The following ATG2B variants were observed in gnomAD, a reference collection of about 807,000 sequenced individuals.
ATG2B encodes autophagy related 2B.
A neutral mutation model predicts 241.3 loss-of-function variants in ATG2B; 121 were observed. That is an observed-to-expected ratio of 0.50 (90% CI 0.43 to 0.58). The LOEUF is 0.58. Ranked by LOEUF, ATG2B falls within the 20% of genes least tolerant of loss-of-function variation. The probability of loss-of-function intolerance (pLI) is 0.00; values close to 1 mark genes in which losing one functional copy is unlikely to be tolerated. For synonymous variants in ATG2B, 858 were observed against 876.6 expected, an observed-to-expected ratio of 0.98 and a Z score of 0.37; for missense variants, 2,306 against 2,491.6, an observed-to-expected ratio of 0.93 and a Z score of 1.59.
intron 36 of ATG2B, among the ~76,000 whole-genome samples, chr14:96,294,569 T>A (rs1378962275): frequency 6.7e-6 from 1 of 150,372 alleles, no homozygotes; most frequent in East Asian, 2.0e-4. Context: ...AGGTAGAAAA[T>A]CCCCACAAGG....
At chr14:96,294,915 A>G (rs765244099) in intron 36 of ATG2B, 45 bp downstream of exon 36, 2 of 1,574,204 alleles carry the variant, frequency 1.3e-6, no homozygotes, top group South Asian at 1.1e-5. Context: ...ACAATCTTCA[A>G]AAGTCTAAAA....
chr14:96,347,142 T>C (rs1888189704), intron 2 of ATG2B, 37 bp downstream of exon 2: 1 of 1,478,436 alleles, frequency 6.8e-7, no homozygotes, highest in Non-Finnish European at 9.1e-7. Flanking sequence ...CTCTGAAGAA[T>C]AAAAACACAT....
At chr14:96,346,761 C>T (rs564114144) in intron 2 of ATG2B, among the ~76,000 whole-genome samples, 10 of 152,122 alleles carry the variant, frequency 6.6e-5, no homozygotes, top group Non-Finnish European at 1.2e-4. Context: ...TGTTATAAAC[C>T]ATTATTGTCA....
chr14:96,334,633 TCTA>T, intron 6 of ATG2B, 132 bp from the exon 7 acceptor site: 1 of 514,924 alleles, frequency 1.9e-6, no homozygotes, highest in South Asian at 4.0e-5. Flanking sequence ...TGAGACTCTC[TCTA>T]CTAATTCACA....
In ATG2B at chr14:96,322,031, A is replaced by G. The variant is rs187849865; in HGVS notation, c.2879+81T>C. ...ATGGCATATAATATTCAGGCAAGGA[A>G]AGGAAAGGGGGAAGAGGAAAATCAG... On this transcript the variant is annotated intron_variant, in intron 18 of 41. Transcript: ENST00000359933. 2.6e-5 allele frequency: 28 copies of G among 1,058,842 alleles called. 1 individual carries two copies. The highest frequency in any genetic ancestry group is 6.5e-4 in the Middle Eastern group (2 of 3,082). The allele number at this position is 1,058,842 out of a possible 1,614,324, so 65.6% of individuals were successfully genotyped here. A position where few individuals can be genotyped will look rare whatever the true frequency, so the allele number is the denominator to read the frequency against.
chr14:96,358,267 C>A (rs1242342375), intron 1 of ATG2B, among the ~76,000 whole-genome samples: 1 of 151,970 alleles, frequency 6.6e-6, no homozygotes, highest in African/African-American at 2.4e-5. Flanking sequence ...GAAATCCGGT[C>A]TCTACAAAAA....
intron 28 of ATG2B, among the ~76,000 whole-genome samples, chr14:96,309,862 G>A (rs1233910450): frequency 6.6e-6 from 1 of 152,130 alleles, no homozygotes; most frequent in Non-Finnish European, 1.5e-5. Flanking sequence ...TTGAAAACAG[G>A]GAAGTTGAAC....
chr14:96,311,720 G>A (rs1014721978), intron 26 of ATG2B, 102 bp from the exon 27 acceptor site: 107 of 713,950 alleles, frequency 1.5e-4, no homozygotes, highest in South Asian at 3.7e-4. Context: ...ATTCATTGCA[G>A]AGAGCACTAC....
intron 1 of ATG2B, among the ~76,000 whole-genome samples, chr14:96,353,934 T>C (rs1359132387): frequency 6.6e-6 from 1 of 152,106 alleles, no homozygotes; most frequent in Non-Finnish European, 1.5e-5. Context: ...TTTTAACGGA[T>C]AATGTGTACG....
chr14:96,289,915 C>T lies in ATG2B; in HGVS notation c.5857-110G>A. On this transcript the variant is annotated intron_variant, in intron 40 of 41. Transcript: ENST00000359933. This position sits in a 1 kb window ranked among gnomAD's most constrained non-coding sequence, Gnocchi z 4.3. ...GAGGAAGAGCAGAGGAACTCACAAACCCTAATGAAGACACTTCTGCGTATC... is the reference window on the plus strand; with the variant it reads ...GAGGAAGAGCAGAGGAACTCACAAATCCTAATGAAGACACTTCTGCGTATC... 1 of 1,137,254 alleles carries T rather than the reference C, an allele frequency of 8.8e-7. No homozygotes were observed. Among genetic ancestry groups the T allele is most frequent in the South Asian group, 1.5e-5 (1 of 64,648 alleles). The allele number at this position is 1,137,254 out of a possible 1,614,324, so 70.4% of individuals were successfully genotyped here. A position where few individuals can be genotyped will look rare whatever the true frequency, so the allele number is the denominator to read the frequency against.
Position 96,289,518 on chromosome 14 carries a change from C to CA in ATG2B, c.6006+137dup, listed in dbSNP as rs2139835132. The CA allele has an allele frequency of 9.9e-7, 1 of 1,012,602 alleles. No homozygotes were observed. The highest frequency in any genetic ancestry group is 1.5e-6 in the Non-Finnish European group (1 of 681,996). The allele number at this position is 1,012,602 out of a possible 1,614,324, so 62.7% of individuals were successfully genotyped here. On this transcript the variant is annotated intron_variant, in intron 41 of 41. Coordinates refer to ENST00000359933, the MANE Select transcript of ATG2B (RefSeq NM_018036.7). The surrounding 1 kb of genome is among the most constrained non-coding windows in gnomAD (Gnocchi z 4.3). Reference sequence around the variant, plus strand: ...TTCCATCACCTCACACAGATATGGGCACATGTTATTAGTGGCAGTTGCCAT... The same window carrying CA: ...TTCCATCACCTCACACAGATATGGGCAACATGTTATTAGTGGCAGTTGCCAT...
chr14:96,347,239 C>G lies in ATG2B; in HGVS notation c.265G>C (p.Asp89His). 6.2e-7 allele frequency: 1 copy of G among 1,611,118 alleles called. No individual in the cohort carries two copies. Among genetic ancestry groups the G allele is most frequent in the Non-Finnish European group, 8.5e-7 (1 of 1,177,654 alleles). Reference sequence around the variant, plus strand: ...CCTCTCACTTCCAGTGCACAATTATCCTGCAGTAAAGAGCCCCATGGAACT... The same window carrying G: ...CCTCTCACTTCCAGTGCACAATTATGCTGCAGTAAAGAGCCCCATGGAACT... ...LSVPWGSLLQ[D>H]NCALEVRGLE... is the part of the protein sequence containing the mutation. The change falls in exon 2 of 42, where the codon GAT becomes CAT. Residue 89 changes from aspartate (D) to histidine (H), a missense_variant. Coordinates refer to ENST00000359933, the MANE Select transcript of ATG2B (RefSeq NM_018036.7).
rs139564015 is a variant in ATG2B at position 96,318,927 on chromosome 14, G to A, written c.2880-1072C>T. On this transcript the variant is annotated intron_variant, in intron 18 of 41. Transcript: ENST00000359933. Reference sequence around the variant, plus strand: ...CCTTTTTAGACTGCAAGCCGCCCAAGAGAGGGACTTGTGTCGATCATCTCT... The same window carrying A: ...CCTTTTTAGACTGCAAGCCGCCCAAAAGAGGGACTTGTGTCGATCATCTCT... Among the ~76,000 whole-genome samples, 6 of 152,352 alleles carry A rather than the reference G, an allele frequency of 3.9e-5. No individual in the cohort carries two copies. The East Asian group carries it at 1.2e-3, about 29-fold the overall frequency.
At chr14:96,345,985 C>T (rs1209606319) in intron 2 of ATG2B, among the ~76,000 whole-genome samples, 1 of 152,072 alleles carries the variant, frequency 6.6e-6, no homozygotes, top group Non-Finnish European at 1.5e-5. Flanking sequence ...CCTCAGAGAA[C>T]CTACTATATA....
intron 18 of ATG2B, among the ~76,000 whole-genome samples, chr14:96,318,824 TG>T (rs1887384491): frequency 6.6e-6 from 1 of 152,228 alleles, no homozygotes. Context: ...TCGTAAGATC[TG>T]GACCCACAGC....
At chr14:96,346,333 A>G (rs536649357) in intron 2 of ATG2B, among the ~76,000 whole-genome samples, 1 of 152,324 alleles carries the variant, frequency 6.6e-6, no homozygotes, top group South Asian at 2.1e-4. Flanking sequence ...AATGGAATTT[A>G]AAAGTCTTTC....
At chr14:96,353,031 CCAT>C (rs1227081052) in intron 1 of ATG2B, among the ~76,000 whole-genome samples, 1 of 152,104 alleles carries the variant, frequency 6.6e-6, no homozygotes, top group African/African-American at 2.4e-5. Context: ...ATATTTTATG[CCAT>C]ATTTGTACAT....
Position 96,285,695 on chromosome 14 carries a change from G to A in ATG2B, c.*60C>T. ...TAAACGAGCTTCCTCTGAAGCTGCT[G>A]TCAGGACTCTGAGCTCCTGGTTCCA... is the stretch of plus-strand genomic sequence containing the variant. On this transcript the variant is annotated 3_prime_UTR_variant, in exon 42 of 42. Coordinates refer to ENST00000359933, the MANE Select transcript of ATG2B (RefSeq NM_018036.7). This position sits in a 1 kb window ranked among gnomAD's most constrained non-coding sequence, Gnocchi z 4.2. The A allele has an allele frequency of 2.7e-6, 4 of 1,499,250 alleles. No homozygotes were observed. The South Asian group carries it at 3.4e-5, about 13-fold the overall frequency. 92.9% of individuals were successfully genotyped at this position (1,499,250 alleles called of 1,614,324 possible). A position where few individuals can be genotyped will look rare whatever the true frequency, so the allele number is the denominator to read the frequency against.
intron 23 of ATG2B, among the ~76,000 whole-genome samples, chr14:96,314,596 AT>A (rs56143356): frequency 0.32 from 49,251 of 152,070 alleles, 9,114 homozygotes; most frequent in Non-Finnish European, 0.42. Flanking sequence ...GACATATAAG[AT>A]AACTCTGTCA....
Sources: gnomAD v4.1 joint callset for allele counts (sites outside exome capture counted in the v4.1 genomes callset) on GRCh38, gnomAD v4.1.1 for gene constraint, Gnocchi (gnomAD v3.1) non-coding constraint, MANE v1.5 for transcripts, NCBI Gene and HGNC (gene_info 2026-07-23, HGNC 2026-07-21) for gene names.